The following NACC2 variants were observed in gnomAD, a reference collection of about 807,000 sequenced individuals.
The protein encoded by NACC2 is NACC family member 2, also known as nucleus accumbens-associated protein 2.
Under a neutral mutation model 25.1 loss-of-function variants are expected in NACC2, and 8 were observed. The observed-to-expected ratio is 0.32, with a 90% CI of 0.19 to 0.57. NACC2 has a LOEUF of 0.57. Ranked by LOEUF, NACC2 falls within the 20% of genes least tolerant of loss-of-function variation. NACC2 has a pLI of 0.89. For synonymous variants in NACC2, 435 were observed against 294.7 expected (o/e 1.48, Z -4.88); for missense variants, 644 against 650.2 (o/e 0.99, Z 0.10).
chr9:136,012,045 G>T, intron 5 of NACC2, 21 bp from the exon 6 acceptor site: 1 of 1,507,188 alleles, frequency 6.6e-7, no homozygotes. Flanking sequence ...GGGGCGGCGT[G>T]AGCTCAGCCA....
At chr9:136,037,447 T>C (rs910465604) in intron 2 of NACC2, among the ~76,000 whole-genome samples, 30 of 151,990 alleles carry the variant, frequency 2.0e-4, no homozygotes, top group South Asian at 4.1e-4. Context: ...AATTACTCAT[T>C]AGTAATTATG....
chr9:136,034,030 GAGTT>G (rs1247570570), intron 2 of NACC2, among the ~76,000 whole-genome samples: 9 of 151,960 alleles, frequency 5.9e-5, no homozygotes, highest in Non-Finnish European at 8.8e-5. Context: ...AAACCTGAAA[GAGTT>G]AGAGAAAATA....
intron 1 of NACC2, among the ~76,000 whole-genome samples, chr9:136,065,802 C>G (rs1404386941): frequency 3.6e-5 from 5 of 140,370 alleles, no homozygotes; most frequent in Non-Finnish European, 6.4e-5. Flanking sequence ...GTGACAGAGA[C>G]CCTGTCTCCA....
At chr9:136,043,623 G>A (rs1840679626) in intron 2 of NACC2, among the ~76,000 whole-genome samples, 1 of 152,184 alleles carries the variant, frequency 6.6e-6, no homozygotes, top group Non-Finnish European at 1.5e-5. Flanking sequence ...TCACGCACAG[G>A]GATCCTATGA....
Position 136,019,105 on chromosome 9 carries a change from G to C in NACC2, c.887-2676C>G, listed in dbSNP as rs1840247186. On this transcript the variant is annotated intron_variant, in intron 2 of 5. Coordinates refer to ENST00000277554, the MANE Select transcript of NACC2 (RefSeq NM_144653.5). This position sits in a 1 kb window ranked among gnomAD's most constrained non-coding sequence, Gnocchi z 5.2. ...TAAAAACACCCCGCCCCGAGTGGAA[G>C]CTCGTCCGCAAAGGTGCCTCAATGT... 6.6e-6 allele frequency: 1 copy of C among 152,230 alleles called. No individual in the cohort carries two copies. The highest frequency in any genetic ancestry group is 6.5e-5 in the Admixed American group (1 of 15,278). 9.4% of individuals were successfully genotyped at this position (152,230 alleles called of 1,614,324 possible).
chr9:136,034,047 TAGAA>T (rs1840516174), intron 2 of NACC2, among the ~76,000 whole-genome samples: 1 of 152,048 alleles, frequency 6.6e-6, no homozygotes, highest in African/African-American at 2.4e-5. Flanking sequence ...AGAAAATATT[TAGAA>T]AGATTCAGAA....
At chr9:136,050,809 G>A (rs1189887195) in intron 1 of NACC2, among the ~76,000 whole-genome samples, 1 of 152,174 alleles carries the variant, frequency 6.6e-6, no homozygotes, top group Non-Finnish European at 1.5e-5. Flanking sequence ...GCAGATCCCC[G>A]GGGTGCTGCC....
At chr9:136,025,796 T>TC (rs1431977277) in intron 2 of NACC2, among the ~76,000 whole-genome samples, 4 of 151,928 alleles carry the variant, frequency 2.6e-5, no homozygotes, top group African/African-American at 9.7e-5. Flanking sequence ...GCACTTGTAG[T>TC]CCCGGCTACT....
chr9:136,075,666 T>C (rs573825544), intron 1 of NACC2, among the ~76,000 whole-genome samples: 157 of 152,342 alleles, frequency 1.0e-3, no homozygotes, highest in Admixed American at 9.5e-3. Context: ...GTGCTGATGC[T>C]GTCCTGAGCT....
chr9:136,089,921 TTTCA>T (rs1362300964), intron 1 of NACC2, among the ~76,000 whole-genome samples: 2 of 152,012 alleles, frequency 1.3e-5, no homozygotes, highest in African/African-American at 4.8e-5. Flanking sequence ...GTGATACGGA[TTTCA>T]TTAACATTTT....
In NACC2 at chr9:136,013,215, G is replaced by A. The variant is rs1840141250; in HGVS notation, c.1239C>T (p.Val413=). 2 of 1,610,934 alleles carry A rather than the reference G, an allele frequency of 1.2e-6. No homozygotes were observed. Among genetic ancestry groups the A allele is most frequent in the Non-Finnish European group, 1.7e-6 (2 of 1,179,046 alleles). Residue 413 remains valine (V), a synonymous_variant, in exon 5 of 6, where the codon GTC becomes GTT. Coordinates refer to ENST00000277554, the MANE Select transcript of NACC2 (RefSeq NM_144653.5). This position sits in a 1 kb window ranked among gnomAD's most constrained non-coding sequence, Gnocchi z 6.6. ...GGCTCTTACATTTCACAGCGTTCAGGACCCGGCTGTCCAGCGGCTTCCGGC... is the reference window on the plus strand; with the variant it reads ...GGCTCTTACATTTCACAGCGTTCAGAACCCGGCTGTCCAGCGGCTTCCGGC... ...DPSRKPLDSR[V]LNAVKLYCQN...
intron 2 of NACC2, among the ~76,000 whole-genome samples, chr9:136,031,324 C>CTCATTCATTCATTCATTCATTCATTCAT (rs140651085): frequency 1.3e-5 from 2 of 150,590 alleles, no homozygotes; most frequent in Non-Finnish European, 2.9e-5. Flanking sequence ...ACTCCACAGC[C>CTCATTCATTCATTCATTCATTCATTCAT]TCATTCATTC....
chr9:136,080,344 C>G (rs1045703008), intron 1 of NACC2, among the ~76,000 whole-genome samples: 1 of 152,194 alleles, frequency 6.6e-6, no homozygotes. Context: ...CATCCAAAAC[C>G]CAACCCAGGT....
chr9:136,064,121 T>C (rs931622614), intron 1 of NACC2, among the ~76,000 whole-genome samples: 7 of 151,932 alleles, frequency 4.6e-5, no homozygotes, highest in African/African-American at 1.7e-4. Context: ...AGACCTCATC[T>C]CTACAAAAAA....
At position 136,039,827 on chromosome 9, in the gene NACC2, C is replaced by T. The variant is rs1840601897; in HGVS notation, c.886+9809G>A. On this transcript the variant is annotated intron_variant, in intron 2 of 5. Transcript: ENST00000277554. ...GTAACAAAGAAAGGCTGATATGTTCCCCCCGAGAGAGAGCATGGCAAAGAG... is the reference window on the plus strand; with the variant it reads ...GTAACAAAGAAAGGCTGATATGTTCTCCCCGAGAGAGAGCATGGCAAAGAG... 4.6e-5 allele frequency among the ~76,000 whole-genome samples: 7 copies of T among 152,118 alleles called. No homozygotes were observed. The South Asian group carries it at 1.5e-3, about 32-fold the overall frequency.
At chr9:136,051,582 C>T (rs1243973961) in intron 1 of NACC2, among the ~76,000 whole-genome samples, 1 of 150,314 alleles carries the variant, frequency 6.7e-6, no homozygotes, top group African/African-American at 2.4e-5. Flanking sequence ...CTGTGTCCCA[C>T]GGGAGGAAAG....
chr9:136,036,390 C>A (rs1840554131), intron 2 of NACC2, among the ~76,000 whole-genome samples: 1 of 152,016 alleles, frequency 6.6e-6, no homozygotes, highest in Non-Finnish European at 1.5e-5. Context: ...AGAAAGGTCA[C>A]CTTAAGGAGA....
chr9:136,062,987 C>G (rs370495318), intron 1 of NACC2, among the ~76,000 whole-genome samples: 14 of 152,244 alleles, frequency 9.2e-5, no homozygotes, highest in African/African-American at 3.1e-4. Context: ...GGCCTGTGCT[C>G]AACCCCATGC....
In NACC2 at chr9:136,057,979, C is replaced by T. The variant is rs949777961; in HGVS notation, c.-59-7399G>A. The stretch of plus-strand genomic sequence containing the variant: ...CATGGTTAATATTCATAGCTCTCCT[C>T]ATCTGCATATCATGCCATAAATAGT... On this transcript the variant is annotated intron_variant, in intron 1 of 5. Coordinates refer to ENST00000277554, the MANE Select transcript of NACC2 (RefSeq NM_144653.5). 9.2e-5 allele frequency among the ~76,000 whole-genome samples: 14 copies of T among 152,354 alleles called. No homozygotes were observed. The East Asian group carries it at 2.7e-3, about 29-fold the overall frequency.
Sources: allele counts gnomAD v4.1 joint callset (sites outside exome capture counted in the v4.1 genomes callset), GRCh38; gene constraint gnomAD v4.1.1; non-coding constraint Gnocchi (gnomAD v3.1); transcripts MANE v1.5; gene names NCBI Gene and HGNC (gene_info 2026-07-23, HGNC 2026-07-21).